Variants in ENTREP2 observed in about 807,000 individuals in gnomAD.
ENTREP2 encodes endosomal transmembrane epsin interactor 2.
the ENTREP2 span, among the ~76,000 whole-genome samples, chr15:29,386,836 G>T: frequency 6.6e-6 from 1 of 152,182 alleles, no homozygotes; most frequent in Non-Finnish European, 1.5e-5. Context: ...TGTGAATTTT[G>T]CACATTGATT....
chr15:29,521,388 T>C, the ENTREP2 span, among the ~76,000 whole-genome samples: 1 of 152,044 alleles, frequency 6.6e-6, no homozygotes, highest in African/African-American at 2.4e-5. Flanking sequence ...TTTCAAGAGG[T>C]TTCAAGAATT....
At chr15:29,488,170 G>T in the ENTREP2 span, among the ~76,000 whole-genome samples, 1 of 152,174 alleles carries the variant, frequency 6.6e-6, no homozygotes, top group Admixed American at 6.5e-5. Flanking sequence ...AGGAAAAGGA[G>T]CTAAAGGAAA....
the ENTREP2 span, among the ~76,000 whole-genome samples, chr15:29,553,728 G>A: frequency 2.0e-5 from 3 of 152,312 alleles, no homozygotes; most frequent in South Asian, 4.1e-4. Context: ...AGACCACAGT[G>A]CTGGAGGAGC....
the ENTREP2 span, among the ~76,000 whole-genome samples, chr15:29,242,399 TA>T: frequency 1.3e-5 from 2 of 152,210 alleles, no homozygotes; most frequent in Non-Finnish European, 2.9e-5. Context: ...AAAACGTGTA[TA>T]TTTTTTAAAA....
At chr15:29,253,454 T>C in the ENTREP2 span, among the ~76,000 whole-genome samples, 1,345 of 148,200 alleles carry the variant, frequency 9.1e-3, 13 homozygotes, top group African/African-American at 0.025. Context: ...CTCTCTCTCT[T>C]TTTTTTTTTT....
At chr15:29,330,060 C>T in the ENTREP2 span, among the ~76,000 whole-genome samples, 3 of 152,132 alleles carry the variant, frequency 2.0e-5, no homozygotes, top group African/African-American at 7.2e-5. Flanking sequence ...GCCAATCACT[C>T]CCTCAGTGAT....
the ENTREP2 span, among the ~76,000 whole-genome samples, chr15:29,378,163 C>T: frequency 1.3e-5 from 2 of 150,566 alleles, no homozygotes; most frequent in Non-Finnish European, 2.9e-5. Flanking sequence ...GCCTTGGCCT[C>T]GCTTTAAAAA....
the ENTREP2 span, among the ~76,000 whole-genome samples, chr15:29,400,627 TA>T: frequency 1.3e-5 from 2 of 152,180 alleles, no homozygotes; most frequent in Non-Finnish European, 2.9e-5. Context: ...AAATATAAAT[TA>T]AAACATAAAT....
the ENTREP2 span, among the ~76,000 whole-genome samples, chr15:29,401,820 T>C: frequency 2.0e-5 from 3 of 152,190 alleles, no homozygotes; most frequent in Non-Finnish European, 4.4e-5. Flanking sequence ...GTAGATCTAT[T>C]TATGCCACTG....
chr15:29,229,089 ATGG>A, the ENTREP2 span, among the ~76,000 whole-genome samples: 32 of 152,354 alleles, frequency 2.1e-4, 1 homozygote, highest in Admixed American at 1.7e-3. Flanking sequence ...CACCTGGAAG[ATGG>A]TGAAGAAATA....
the ENTREP2 span, among the ~76,000 whole-genome samples, chr15:29,489,510 GTATTTTACAAGAATGTAAGAGCA>G: frequency 1.3e-5 from 2 of 152,136 alleles, no homozygotes; most frequent in Non-Finnish European, 2.9e-5. Flanking sequence ...CTGTATGTGC[GTATTTTACAAGAATGTAAGAGCA>G]GTCCAAAAAC....
chr15:29,402,265 T>TATATATATATATACACAC, the ENTREP2 span, among the ~76,000 whole-genome samples: 143 of 137,850 alleles, frequency 1.0e-3, 5 homozygotes, highest in African/African-American at 3.6e-3. Context: ...TATATATATA[T>TATATATATATATACACAC]ACACACACAT....
the ENTREP2 span, among the ~76,000 whole-genome samples, chr15:29,257,070 ATTT>A: frequency 6.2e-3 from 938 of 150,182 alleles, 12 homozygotes; most frequent in African/African-American, 0.022. Context: ...TTATTTATTT[ATTT>A]ATTTATTTAT....
At chr15:29,450,060 C>T in the ENTREP2 span, among the ~76,000 whole-genome samples, 1 of 152,162 alleles carries the variant, frequency 6.6e-6, no homozygotes, top group East Asian at 1.9e-4. Context: ...GGAAAAGTGT[C>T]TGTTCATGTC....
the ENTREP2 span, among the ~76,000 whole-genome samples, chr15:29,359,796 T>C: frequency 1.3e-5 from 2 of 152,212 alleles, no homozygotes; most frequent in Admixed American, 1.3e-4. Context: ...TTCCTTCCCT[T>C]ACTAATCAGA....
chr15:29,288,673 G>A, the ENTREP2 span, among the ~76,000 whole-genome samples: 2 of 152,198 alleles, frequency 1.3e-5, no homozygotes, highest in African/African-American at 2.4e-5. Context: ...TGGTCCAGGA[G>A]CAATGGGCTG....
the ENTREP2 span, among the ~76,000 whole-genome samples, chr15:29,673,091 G>A: frequency 6.6e-6 from 1 of 152,124 alleles, no homozygotes; most frequent in Admixed American, 6.5e-5. Context: ...CGTTGCCATG[G>A]CATTTGTGAA....
the ENTREP2 span, among the ~76,000 whole-genome samples, chr15:29,190,507 T>A: frequency 1.3e-5 from 2 of 152,138 alleles, no homozygotes; most frequent in Non-Finnish European, 2.9e-5. Context: ...TCCAAATTTA[T>A]TCCTCCTCGG....
the ENTREP2 span, among the ~76,000 whole-genome samples, chr15:29,572,734 G>A: frequency 2.0e-5 from 3 of 152,094 alleles, no homozygotes; most frequent in African/African-American, 7.2e-5. Flanking sequence ...CGAAGAATGA[G>A]TTGCAAGCCC....
Sources: gnomAD v4.1 joint callset for allele counts (sites outside exome capture counted in the v4.1 genomes callset) on GRCh38, gnomAD v4.1.1 for gene constraint, MANE v1.5 for transcripts, NCBI Gene and HGNC (gene_info 2026-07-23, HGNC 2026-07-21) for gene names.